Variants in BMPR1B observed in about 807,000 individuals in gnomAD.
The protein encoded by BMPR1B is bone morphogenetic protein receptor type 1B.
Under a neutral mutation model 59.1 loss-of-function variants are expected in BMPR1B, and 12 were observed. The ratio of observed to expected loss-of-function variants is 0.20; its 90% CI spans 0.13 to 0.33. BMPR1B has a LOEUF of 0.33. Ranked by LOEUF, BMPR1B falls within the 10% of genes least tolerant of loss-of-function variation. BMPR1B has a pLI of 1.00. For missense variants in BMPR1B, 550 were observed against 610.9 expected (o/e 0.90, Z 1.05); for synonymous variants, 237 against 207.3 (o/e 1.14, Z -1.23).
chr4:95,129,345 G>A (rs138168698), intron 8 of BMPR1B, among the ~76,000 whole-genome samples: 2 of 152,028 alleles, frequency 1.3e-5, no homozygotes, highest in Admixed American at 6.6e-5. Flanking sequence ...TTGGTTTATC[G>A]TTCCCTGGTC....
intron 4 of BMPR1B, among the ~76,000 whole-genome samples, chr4:95,112,829 C>CA (rs894988758): frequency 2.0e-5 from 3 of 152,118 alleles, no homozygotes; most frequent in African/African-American, 7.2e-5. Context: ...TTTTCTGTTC[C>CA]ATTTCTTTTT....
chr4:94,771,065 C>G (rs1722169094), intron 1 of BMPR1B, among the ~76,000 whole-genome samples: 1 of 152,040 alleles, frequency 6.6e-6, no homozygotes, highest in African/African-American at 2.4e-5. Context: ...AAAGAGGTGA[C>G]ATTGAGACTT....
rs560125846 is a variant in BMPR1B, at chr4:95,092,311, A to G, written c.-17-12097A>G. 1.8e-4 allele frequency among the ~76,000 whole-genome samples: 28 copies of G among 152,210 alleles called. No homozygotes were observed. In the South Asian group the frequency reaches 2.1e-3, roughly 11 times the overall value. On this transcript the variant is annotated intron_variant, in intron 3 of 12. Transcript: ENST00000515059. ...GTAATTCATATCATTTTTGGTAGCTATCTTAGAAAATTTTTCTGTGACGCA... is the reference window on the plus strand; with the variant it reads ...GTAATTCATATCATTTTTGGTAGCTGTCTTAGAAAATTTTTCTGTGACGCA...
In BMPR1B at chr4:94,826,812, C is replaced by T. The variant is rs555024876; in HGVS notation, c.-182-49019C>T. Among the ~76,000 whole-genome samples the T allele has an allele frequency of 5.3e-5, 8 of 151,992 alleles. No individual in the cohort carries two copies. In the East Asian group the frequency reaches 9.6e-4, roughly 18 times the overall value. ...CTGAAATCAATAGTTTTATATTAGT[C>T]GTATCGATTTCAGTGAAAAACCCTA... On this transcript the variant is annotated intron_variant, in intron 1 of 12. Coordinates refer to ENST00000515059, the MANE Select transcript of BMPR1B (RefSeq NM_001203.3).
In BMPR1B at chr4:94,823,003, A is replaced by G. The variant is rs556569736; in HGVS notation, c.-182-52828A>G. The stretch of plus-strand genomic sequence containing the variant: ...TATTTTTGACTCCTGGTTAAAAAGT[A>G]TTAATGTCAAAAAATAAATTTTTTC... On this transcript the variant is annotated intron_variant, in intron 1 of 12. Coordinates refer to ENST00000515059, the MANE Select transcript of BMPR1B (RefSeq NM_001203.3). 4.6e-5 allele frequency among the ~76,000 whole-genome samples: 7 copies of G among 152,322 alleles called. No homozygotes were observed. In the South Asian group the frequency reaches 8.3e-4, roughly 18 times the overall value.
chr4:94,847,762 G>A (rs1162642238), intron 1 of BMPR1B, among the ~76,000 whole-genome samples: 3 of 152,104 alleles, frequency 2.0e-5, no homozygotes, highest in East Asian at 3.9e-4. Context: ...GAGATAGAGA[G>A]TAGAATGATG....
intron 1 of BMPR1B, among the ~76,000 whole-genome samples, chr4:94,814,905 C>T (rs1045599683): frequency 6.6e-6 from 1 of 151,854 alleles, no homozygotes; most frequent in Non-Finnish European, 1.5e-5. Flanking sequence ...TATTTCTTTT[C>T]CTTTATTTTT....
rs148214049 is a variant in BMPR1B at position 94,859,251 on chromosome 4, G to A, written c.-182-16580G>A. ...TAAAGTGAAGTTGAAAGAAATGCAC[G>A]TTCTAGTTAATAATTTTTTAAAAAA... On this transcript the variant is annotated intron_variant, in intron 1 of 12. Coordinates refer to ENST00000515059, the MANE Select transcript of BMPR1B (RefSeq NM_001203.3). Among the ~76,000 whole-genome samples, 4 of 152,136 alleles carry A rather than the reference G, an allele frequency of 2.6e-5. No homozygotes were observed. In the East Asian group the frequency reaches 5.8e-4, roughly 22 times the overall value.
intron 1 of BMPR1B, among the ~76,000 whole-genome samples, chr4:94,792,771 G>C (rs1332597099): frequency 6.6e-6 from 1 of 152,064 alleles, no homozygotes; most frequent in Non-Finnish European, 1.5e-5. Flanking sequence ...AGTTACATAA[G>C]AATTTTGAAG....
At chr4:94,989,608 A>C (rs545427292) in intron 2 of BMPR1B, among the ~76,000 whole-genome samples, 110 of 152,300 alleles carry the variant, frequency 7.2e-4, no homozygotes, top group African/African-American at 2.3e-3. Context: ...TTTTCTTTGC[A>C]ATTGAATTTT....
At chr4:94,932,903 G>A (rs144863535) in intron 2 of BMPR1B, among the ~76,000 whole-genome samples, 11 of 152,144 alleles carry the variant, frequency 7.2e-5, no homozygotes, top group Non-Finnish European at 1.6e-4. Context: ...ATTCTGTCAG[G>A]ATCATCATCT....
intron 2 of BMPR1B, among the ~76,000 whole-genome samples, chr4:94,902,921 A>G (rs1389762269): frequency 2.6e-5 from 4 of 151,998 alleles, no homozygotes; most frequent in African/African-American, 7.2e-5. Context: ...ATGTTCTCCA[A>G]GTATGCTCTG....
At chr4:94,776,745 T>G (rs955424815) in intron 1 of BMPR1B, among the ~76,000 whole-genome samples, 3 of 152,180 alleles carry the variant, frequency 2.0e-5, no homozygotes, top group Non-Finnish European at 4.4e-5. Context: ...ACTACATTGC[T>G]ATGTCTTGGT....
At chr4:94,881,897 G>C (rs928969236) in intron 2 of BMPR1B, among the ~76,000 whole-genome samples, 6 of 152,172 alleles carry the variant, frequency 3.9e-5, no homozygotes, top group East Asian at 3.8e-4. Flanking sequence ...ATATCCTGTA[G>C]TGGTTTATAA....
chr4:94,844,670 C>T (rs116043265), intron 1 of BMPR1B, among the ~76,000 whole-genome samples: 92,876 of 151,590 alleles, frequency 0.61, 29,447 homozygotes, highest in African/African-American at 0.78. Flanking sequence ...GCCTGACTTC[C>T]CCCCGCTGCC....
chr4:94,837,461 A>G (rs1724869962), intron 1 of BMPR1B, among the ~76,000 whole-genome samples: 1 of 143,512 alleles, frequency 7.0e-6, no homozygotes, highest in Non-Finnish European at 1.5e-5. Flanking sequence ...TTCTCCTTGA[A>G]GAGGTCCTTC....
At chr4:95,051,853 A>AAAGTTCAGGCCAG in intron 3 of BMPR1B, 1 of 1,387,350 alleles carries the variant, frequency 7.2e-7, no homozygotes, top group South Asian at 1.3e-5. Flanking sequence ...CGCAGAAGGG[A>AAAGTTCAGGCCAG]AAGTTCAGGC....
chr4:95,124,925 AT>A (rs1303159548), intron 7 of BMPR1B, 57 bp from the exon 8 acceptor site: 2 of 1,512,528 alleles, frequency 1.3e-6, no homozygotes, highest in African/African-American at 2.8e-5. Context: ...TAGTTGCAAT[AT>A]TTTACTCCAT....
chr4:94,979,980 C>G (rs1160050881), intron 2 of BMPR1B, among the ~76,000 whole-genome samples: 1 of 152,196 alleles, frequency 6.6e-6, no homozygotes, highest in African/African-American at 2.4e-5. Flanking sequence ...TATGCAGCAA[C>G]TTGTGAAAAC....
Sources: allele counts gnomAD v4.1 joint callset (sites outside exome capture counted in the v4.1 genomes callset), GRCh38; gene constraint gnomAD v4.1.1; transcripts MANE v1.5; gene names NCBI Gene and HGNC (gene_info 2026-07-23, HGNC 2026-07-21).